RORA: variants seen among roughly 807,000 people sequenced by gnomAD.
RORA encodes RAR related orphan receptor A.
A neutral mutation model predicts 69.5 loss-of-function variants in RORA; 7 were observed. The observed-to-expected ratio is 0.10, with a 90% CI of 0.06 to 0.19. The LOEUF (loss-of-function observed/expected upper bound fraction) is 0.19, where lower values mean the gene tolerates loss of function less well. Among genes scored for constraint, RORA ranks in the 10% least tolerant of loss-of-function variants. RORA has a pLI of 1.00. For synonymous variants in RORA, 261 were observed against 240.8 expected (o/e 1.08, Z -0.78); for missense variants, 457 against 663.0 (o/e 0.69, Z 3.41).
At chr15:60,840,451 C>G in intron 1 of RORA, among the ~76,000 whole-genome samples, 1 of 152,232 alleles carries the variant, frequency 6.6e-6, no homozygotes, top group East Asian at 1.9e-4. Context: ...TTGCCCTTAA[C>G]CAGAAGTCTC....
rs191182204 is a variant in RORA, at chr15:61,225,091, G to C, written c.166+3962C>G. Among the ~76,000 whole-genome samples the C allele has an allele frequency of 2.6e-5, 4 of 152,170 alleles. 1 individual carries two copies. The East Asian group carries it at 7.7e-4, about 29-fold the overall frequency. On this transcript the variant is annotated intron_variant, in intron 1 of 10. Transcript: ENST00000335670. ...ATTTTTTTTAAGAAATAAGGGGGAAGCAACAGAAAAGGTTATCATAACTAT... is the reference window on the plus strand; with the variant it reads ...ATTTTTTTTAAGAAATAAGGGGGAACCAACAGAAAAGGTTATCATAACTAT...
intron 2 of RORA, chr15:60,627,203 A>G: frequency 6.3e-7 from 1 of 1,597,434 alleles, no homozygotes; most frequent in Non-Finnish European, 8.6e-7. Flanking sequence ...CACAGTGATC[A>G]GCAGAGCAAA....
chr15:60,706,139 A>T (rs2071059850), intron 1 of RORA: 1 of 152,248 alleles, frequency 6.6e-6, no homozygotes, highest in African/African-American at 2.4e-5. Flanking sequence ...GCAAAAAAAC[A>T]GGATCGTTTG....
rs73436214 is a variant in RORA, at chr15:60,998,995, A to C, written c.166+230058T>G. 4.1e-3 allele frequency among the ~76,000 whole-genome samples: 617 copies of C among 152,160 alleles called. 4 individuals carry two copies. The highest frequency in any genetic ancestry group is 0.014 in the African/African-American group (581 of 41,520). On this transcript the variant is annotated intron_variant, in intron 1 of 10. Transcript: ENST00000335670. ...AGACAGCTAAACTGGAGTGGTTGCCAGGGGGAGAGGGGGATCCAGAACACA... is the reference window on the plus strand; with the variant it reads ...AGACAGCTAAACTGGAGTGGTTGCCCGGGGGAGAGGGGGATCCAGAACACA...
intron 2 of RORA, among the ~76,000 whole-genome samples, chr15:60,585,173 A>G (rs755885010): frequency 6.6e-6 from 1 of 152,248 alleles, no homozygotes; most frequent in Non-Finnish European, 1.5e-5. Flanking sequence ...CATTTAAGCA[A>G]ATAGGAAGAT....
chr15:61,206,374 AT>A (rs1301616763), intron 1 of RORA, among the ~76,000 whole-genome samples: 11 of 152,200 alleles, frequency 7.2e-5, no homozygotes, highest in African/African-American at 2.7e-4. Flanking sequence ...GTATTTATTC[AT>A]CAGCTACTTA....
chr15:61,012,160 T>C (rs187943343), intron 1 of RORA, among the ~76,000 whole-genome samples: 2 of 152,350 alleles, frequency 1.3e-5, no homozygotes, highest in African/African-American at 4.8e-5. Flanking sequence ...ACCTCTGAAA[T>C]GGAAATAAAA....
intron 1 of RORA, among the ~76,000 whole-genome samples, chr15:60,969,068 C>T (rs1893637320): frequency 6.6e-6 from 1 of 152,288 alleles, no homozygotes; most frequent in African/African-American, 2.4e-5. Flanking sequence ...ACATCTTTGG[C>T]AGGACTATCT....
At chr15:60,548,478 T>C (rs2067137800) in intron 2 of RORA, among the ~76,000 whole-genome samples, 1 of 152,126 alleles carries the variant, frequency 6.6e-6, no homozygotes, top group Non-Finnish European at 1.5e-5. Context: ...ACAACAGTCT[T>C]AAATGAATAG....
intron 1 of RORA, among the ~76,000 whole-genome samples, chr15:60,736,045 C>T (rs2071493942): frequency 6.6e-6 from 1 of 152,182 alleles, no homozygotes; most frequent in African/African-American, 2.4e-5. Flanking sequence ...TTTAAGGCGT[C>T]ATCTAGGGAT....
chr15:60,902,401 C>G (rs1455345292), intron 1 of RORA, among the ~76,000 whole-genome samples: 1 of 152,008 alleles, frequency 6.6e-6, no homozygotes, highest in Admixed American at 6.6e-5. Context: ...AAGACAGGAC[C>G]CTCCATCCTG....
intron 2 of RORA, chr15:60,558,029 G>T (rs1024705500): frequency 2.6e-6 from 1 of 384,386 alleles, no homozygotes; most frequent in African/African-American, 2.1e-5. Flanking sequence ...AGGATGTTTG[G>T]CCTCTGAATG....
At chr15:61,164,164 A>G (rs2079521428) in intron 1 of RORA, among the ~76,000 whole-genome samples, 2 of 151,430 alleles carry the variant, frequency 1.3e-5, no homozygotes, top group South Asian at 2.1e-4. Context: ...AAACATGTGG[A>G]GCCTGTAGTC....
chr15:60,748,604 A>C (rs2071681507), intron 1 of RORA, among the ~76,000 whole-genome samples: 1 of 152,138 alleles, frequency 6.6e-6, no homozygotes. Context: ...TATGACCAAC[A>C]CAGCTCCTGG....
chr15:60,518,623 G>C (rs1056843768), intron 3 of RORA, among the ~76,000 whole-genome samples: 1 of 152,260 alleles, frequency 6.6e-6, no homozygotes. Flanking sequence ...CCCTGCCCTG[G>C]TCACCCTAGG....
intron 1 of RORA, among the ~76,000 whole-genome samples, chr15:60,865,727 C>A (rs9806651): frequency 6.6e-6 from 1 of 151,896 alleles, no homozygotes; most frequent in Non-Finnish European, 1.5e-5. Flanking sequence ...TGGAAACAGC[C>A]CCTTCCAGTC....
chr15:60,517,373 C>G (rs1469709794), intron 3 of RORA, among the ~76,000 whole-genome samples: 1 of 152,138 alleles, frequency 6.6e-6, no homozygotes, highest in Admixed American at 6.5e-5. Context: ...CTCAGACTGT[C>G]TCTCTGTTGT....
intron 1 of RORA, among the ~76,000 whole-genome samples, chr15:61,014,173 G>A (rs1396948863): frequency 6.6e-6 from 1 of 152,198 alleles, no homozygotes; most frequent in Non-Finnish European, 1.5e-5. Context: ...CACTAACTGT[G>A]AACATTTGAG....
intron 1 of RORA, among the ~76,000 whole-genome samples, chr15:60,691,883 T>C (rs1020802488): frequency 2.6e-5 from 4 of 152,246 alleles, no homozygotes; most frequent in African/African-American, 9.6e-5. Flanking sequence ...GTAAAACTAA[T>C]CTCATATTGG....
Sources: allele counts gnomAD v4.1 joint callset (sites outside exome capture counted in the v4.1 genomes callset), GRCh38; gene constraint gnomAD v4.1.1; transcripts MANE v1.5; gene names NCBI Gene and HGNC (gene_info 2026-07-23, HGNC 2026-07-21).